Variants in CEP63 observed in about 807,000 individuals in gnomAD.
CEP63 encodes centrosomal protein 63, also known as centrosomal protein of 63 kDa.
CEP63 carries 84 observed loss-of-function variants against 89.1 expected under a neutral mutation model. The observed-to-expected ratio is 0.94, with a 90% CI of 0.79 to 1.13. The LOEUF (loss-of-function observed/expected upper bound fraction) is 1.13, where lower values mean the gene tolerates loss of function less well. CEP63 is among the 50% of genes most tolerant of loss of function. The pLI is 0.00. For synonymous variants in CEP63, 267 were observed against 272.5 expected, an observed-to-expected ratio of 0.98 and a Z score of 0.20; for missense variants, 838 against 813.3, an observed-to-expected ratio of 1.03 and a Z score of -0.37.
At chr3:134,510,737 C>T in intron 3 of CEP63, 1 of 473,794 alleles carries the variant, frequency 2.1e-6, no homozygotes, top group South Asian at 1.9e-5. Context: ...AGACTTCTCC[C>T]ATGGTCTTCT....
downstream of CEP63, among the ~76,000 whole-genome samples, chr3:134,588,214 G>C (rs1958524782): frequency 6.6e-6 from 1 of 152,042 alleles, no homozygotes; most frequent in Admixed American, 6.5e-5. Flanking sequence ...AATCACTTGA[G>C]GGGGATAGAG....
the CEP63 span, among the ~76,000 whole-genome samples, chr3:134,692,721 C>T: frequency 6.6e-6 from 1 of 152,150 alleles, no homozygotes. Context: ...TCTCAAAAGA[C>T]CCCCTTCACA....
chr3:134,777,364 A>C, the CEP63 span, among the ~76,000 whole-genome samples: 1 of 152,222 alleles, frequency 6.6e-6, no homozygotes, highest in East Asian at 1.9e-4. Flanking sequence ...TCAGCCACAC[A>C]TAGTGCTCCA....
At chr3:134,551,820 A>G in intron 11 of CEP63, 106 bp from the exon 12 acceptor site, 1 of 424,632 alleles carries the variant, frequency 2.4e-6, no homozygotes, top group South Asian at 2.5e-5. Flanking sequence ...TATATATATA[A>G]ATGAAGAATA....
the CEP63 span, among the ~76,000 whole-genome samples, chr3:134,713,482 C>T: frequency 6.6e-6 from 1 of 152,180 alleles, no homozygotes; most frequent in Non-Finnish European, 1.5e-5. Context: ...CCGAGGGGAG[C>T]TGGTCTCTGA....
intron 4 of CEP63, among the ~76,000 whole-genome samples, chr3:134,532,332 C>G (rs1050498117): frequency 6.6e-6 from 1 of 152,156 alleles, no homozygotes; most frequent in Non-Finnish European, 1.5e-5. Flanking sequence ...TAAGAAAATT[C>G]TGTCCATTAA....
At chr3:134,570,271 G>C (rs924624368) in intron 11 of CEP63, among the ~76,000 whole-genome samples, 4 of 152,168 alleles carry the variant, frequency 2.6e-5, no homozygotes, top group Non-Finnish European at 5.9e-5. Flanking sequence ...GGGATTTGCT[G>C]TTCTATTGCA....
At chr3:134,720,779 T>C in the CEP63 span, among the ~76,000 whole-genome samples, 1,549 of 152,240 alleles carry the variant, frequency 0.01, 18 homozygotes, top group African/African-American at 0.035. Context: ...CAAAAATTGA[T>C]TGACCATAAA....
chr3:134,583,880 T>C (rs1011391944), intron 10 of CEP63, among the ~76,000 whole-genome samples: 1 of 152,204 alleles, frequency 6.6e-6, no homozygotes, highest in African/African-American at 2.4e-5. Context: ...TAGTTCTCCT[T>C]GAAGAGGTCC....
the CEP63 span, among the ~76,000 whole-genome samples, chr3:134,723,437 T>A: frequency 1.3e-5 from 2 of 152,184 alleles, no homozygotes; most frequent in African/African-American, 4.8e-5. Flanking sequence ...CCAAACTAGG[T>A]CCACGATTCT....
the CEP63 span, chr3:134,600,746 T>G: frequency 6.6e-6 from 1 of 152,262 alleles, no homozygotes; most frequent in African/African-American, 2.4e-5. Flanking sequence ...CTATGTCAAG[T>G]GCTTCTGTTT....
downstream of CEP63, among the ~76,000 whole-genome samples, chr3:134,591,441 C>T (rs1046241099): frequency 5.3e-5 from 8 of 152,174 alleles, no homozygotes; most frequent in Admixed American, 2.0e-4. Context: ...CAGATTCTGG[C>T]GCAAGCTAGG....
intron 10 of CEP63, among the ~76,000 whole-genome samples, chr3:134,587,148 C>T (rs980027973): frequency 1.3e-5 from 2 of 152,216 alleles, no homozygotes; most frequent in East Asian, 3.9e-4. Context: ...ATGCTTCGTT[C>T]GCTCAGAGAA....
At chr3:134,495,256 A>C (rs577263698) in intron 1 of CEP63, 40 bp from the exon 2 acceptor site, 7 of 1,368,466 alleles carry the variant, frequency 5.1e-6, no homozygotes, top group South Asian at 2.3e-5. Flanking sequence ...AGAACTGAAG[A>C]AATGAATTGT....
downstream of CEP63, among the ~76,000 whole-genome samples, chr3:134,568,120 GC>G: frequency 6.6e-6 from 1 of 152,228 alleles, no homozygotes; most frequent in Middle Eastern, 3.4e-3. Context: ...TTCTGGAGTG[GC>G]TATCCCTTTG....
At chr3:134,643,055 G>A in the CEP63 span, among the ~76,000 whole-genome samples, 1 of 152,200 alleles carries the variant, frequency 6.6e-6, no homozygotes, top group Non-Finnish European at 1.5e-5. Context: ...CAGTAATAGT[G>A]ATGATGATGA....
chr3:134,709,559 C>T, the CEP63 span, among the ~76,000 whole-genome samples: 1 of 152,284 alleles, frequency 6.6e-6, no homozygotes, highest in African/African-American at 2.4e-5. Context: ...ATGTCTTCTT[C>T]CCACACTGGA....
At chr3:134,572,812 G>A (rs968446141) in intron 11 of CEP63, among the ~76,000 whole-genome samples, 6 of 152,142 alleles carry the variant, frequency 3.9e-5, no homozygotes, top group African/African-American at 7.2e-5. Context: ...TCTGTTTTAA[G>A]TTCATTGAGA....
intron 14 of CEP63, among the ~76,000 whole-genome samples, chr3:134,560,286 G>A (rs1957118406): frequency 6.6e-6 from 1 of 152,174 alleles, no homozygotes; most frequent in Non-Finnish European, 1.5e-5. Flanking sequence ...AGACTCCACT[G>A]GGGTAATACA....
Sources: allele counts gnomAD v4.1 joint callset (sites outside exome capture counted in the v4.1 genomes callset), GRCh38; gene constraint gnomAD v4.1.1; transcripts MANE v1.5; gene names NCBI Gene and HGNC (gene_info 2026-07-23, HGNC 2026-07-21).